Variants in SPATA17 observed in about 807,000 individuals in gnomAD.
SPATA17 encodes the protein spermatogenesis associated 17, also known as spermatogenesis-associated protein 17.
A neutral mutation model predicts 62.2 loss-of-function variants in SPATA17; 53 were observed. The ratio of observed to expected loss-of-function variants is 0.85; its 90% CI spans 0.68 to 1.07. SPATA17 has a LOEUF of 1.07. Among genes scored for constraint, SPATA17 ranks in the 50% least tolerant of loss-of-function variants. The pLI is 0.00. For missense variants in SPATA17, 466 were observed against 425.5 expected (o/e 1.10, Z -0.84); for synonymous variants, 146 against 146.8 (o/e 0.99, Z 0.04).
intron 4 of SPATA17, among the ~76,000 whole-genome samples, chr1:217,682,604 G>A (rs1671112785): frequency 6.6e-6 from 1 of 152,060 alleles, no homozygotes; most frequent in Non-Finnish European, 1.5e-5. Flanking sequence ...ATAATTATAG[G>A]AAAATTGTGT....
At chr1:217,743,296 A>G in intron 6 of SPATA17, among the ~76,000 whole-genome samples, 1 of 152,208 alleles carries the variant, frequency 6.6e-6, no homozygotes, top group Non-Finnish European at 1.5e-5. Context: ...TAAAATCTAT[A>G]GTAGTAAAAT....
At chr1:217,838,137 C>CTTGTTA (rs937414808) in intron 9 of SPATA17, among the ~76,000 whole-genome samples, 11 of 151,940 alleles carry the variant, frequency 7.2e-5, no homozygotes, top group African/African-American at 2.7e-4. Context: ...TTCTCTGTTT[C>CTTGTTA]TTGTTACTAT....
At chr1:217,722,766 T>C (rs1672166588) in intron 5 of SPATA17, among the ~76,000 whole-genome samples, 1 of 152,214 alleles carries the variant, frequency 6.6e-6, no homozygotes, top group Non-Finnish European at 1.5e-5. Flanking sequence ...TTCCAAACTG[T>C]CTACTGGCCC....
intron 1 of SPATA17, among the ~76,000 whole-genome samples, chr1:217,639,510 T>C (rs946684339): frequency 6.6e-6 from 1 of 152,104 alleles, no homozygotes; most frequent in Non-Finnish European, 1.5e-5. Context: ...AAAGAAATAA[T>C]AGAGACAACA....
intron 6 of SPATA17, among the ~76,000 whole-genome samples, chr1:217,767,015 C>T (rs970168822): frequency 6.6e-6 from 1 of 152,076 alleles, no homozygotes; most frequent in Non-Finnish European, 1.5e-5. Context: ...TTTTCATTCT[C>T]TCTGAAAACT....
intron 3 of SPATA17, among the ~76,000 whole-genome samples, chr1:217,659,527 G>T (rs745322019): frequency 6.6e-6 from 1 of 151,874 alleles, no homozygotes; most frequent in Non-Finnish European, 1.5e-5. Flanking sequence ...ATGAGCAATG[G>T]TTCTGTTAAG....
chr1:217,680,873 C>T (rs928191224), intron 4 of SPATA17, among the ~76,000 whole-genome samples: 7 of 142,392 alleles, frequency 4.9e-5, no homozygotes, highest in African/African-American at 1.3e-4. Flanking sequence ...TGCAGTGGGC[C>T]GAGATCATGC....
intron 8 of SPATA17, among the ~76,000 whole-genome samples, chr1:217,797,460 G>T (rs2102985593): frequency 1.3e-5 from 2 of 151,972 alleles, no homozygotes; most frequent in Admixed American, 1.3e-4. Flanking sequence ...ATGTTGTCCA[G>T]GCTGGTCTTG....
At chr1:217,837,529 C>T (rs1675289088) in intron 9 of SPATA17, among the ~76,000 whole-genome samples, 1 of 152,002 alleles carries the variant, frequency 6.6e-6, no homozygotes, top group Non-Finnish European at 1.5e-5. Flanking sequence ...CATACTGTTG[C>T]ATGTTGGATG....
chr1:217,854,756 T>C (rs1304399730), intron 9 of SPATA17, among the ~76,000 whole-genome samples: 1 of 152,214 alleles, frequency 6.6e-6, no homozygotes, highest in East Asian at 1.9e-4. Flanking sequence ...GTCCAGGGCA[T>C]GCGACTTCCA....
intron 9 of SPATA17, among the ~76,000 whole-genome samples, chr1:217,815,447 A>G (rs1399211269): frequency 6.6e-6 from 1 of 152,146 alleles, no homozygotes; most frequent in African/African-American, 2.4e-5. Flanking sequence ...TGTTTTGGGT[A>G]CTGCCACTGA....
At chr1:217,794,582 TA>T (rs1380615296) in intron 8 of SPATA17, among the ~76,000 whole-genome samples, 1 of 152,128 alleles carries the variant, frequency 6.6e-6, no homozygotes, top group Non-Finnish European at 1.5e-5. Context: ...GAAAAGTAAT[TA>T]AAAATGGCAA....
intron 6 of SPATA17, among the ~76,000 whole-genome samples, chr1:217,742,835 G>A (rs1398931885): frequency 1.3e-5 from 2 of 151,994 alleles, no homozygotes; most frequent in Non-Finnish European, 2.9e-5. Context: ...GTTCAGTGTT[G>A]TAGTTCTGGC....
At chr1:217,713,810 A>G (rs1049803363) in intron 5 of SPATA17, among the ~76,000 whole-genome samples, 2 of 152,220 alleles carry the variant, frequency 1.3e-5, no homozygotes, top group Non-Finnish European at 2.9e-5. Context: ...TGCAGACCTT[A>G]TGACCTCAAG....
At chr1:217,762,099 C>A (rs1263996367) in intron 6 of SPATA17, among the ~76,000 whole-genome samples, 1 of 152,132 alleles carries the variant, frequency 6.6e-6, no homozygotes, top group African/African-American at 2.4e-5. Context: ...GAGTGCCCTT[C>A]ATGGGCTTCT....
intron 1 of SPATA17, among the ~76,000 whole-genome samples, chr1:217,643,178 T>C (rs751192043): frequency 4.0e-5 from 6 of 151,714 alleles, no homozygotes; most frequent in Non-Finnish European, 7.4e-5. Context: ...TCTAGTTTTT[T>C]TCTCTTACCT....
intron 3 of SPATA17, among the ~76,000 whole-genome samples, chr1:217,657,001 C>G (rs1670459438): frequency 6.6e-6 from 1 of 152,204 alleles, no homozygotes; most frequent in African/African-American, 2.4e-5. Context: ...TGGGACTTAA[C>G]TAGTGCCAGT....
intron 9 of SPATA17, among the ~76,000 whole-genome samples, chr1:217,814,243 T>A (rs986040786): frequency 6.6e-6 from 1 of 152,218 alleles, no homozygotes; most frequent in African/African-American, 2.4e-5. Flanking sequence ...CAAAGAAGCA[T>A]GGTAAGCCAT....
At chr1:217,744,279 G>C (rs12062183) in intron 6 of SPATA17, among the ~76,000 whole-genome samples, 3,119 of 55,700 alleles carry the variant, frequency 0.056, 637 homozygotes, top group African/African-American at 0.13. Context: ...CGGCTAAAAC[G>C]GTGAAACCCC....
Sources: allele counts gnomAD v4.1 joint callset (sites outside exome capture counted in the v4.1 genomes callset), GRCh38; gene constraint gnomAD v4.1.1; transcripts MANE v1.5; gene names NCBI Gene and HGNC (gene_info 2026-07-23, HGNC 2026-07-21).